The following THRB variants were observed in gnomAD, a reference collection of about 807,000 sequenced individuals.
THRB encodes nuclear receptor subfamily 1 group A member 2.
Under a neutral mutation model 47.8 loss-of-function variants are expected in THRB, and 12 were observed. That is an observed-to-expected ratio of 0.25 (90% CI 0.16 to 0.41). THRB has a LOEUF of 0.41. Ranked by LOEUF, THRB falls within the 10% of genes least tolerant of loss-of-function variation. The pLI, the probability that THRB is intolerant of heterozygous loss-of-function variation, is 1.00. For missense variants in THRB, 348 were observed against 589.2 expected (o/e 0.59, Z 4.24); for synonymous variants, 218 against 212.2 (o/e 1.03, Z -0.24).
At chr3:24,443,168 G>A (rs2071723799) in intron 1 of THRB, among the ~76,000 whole-genome samples, 1 of 152,172 alleles carries the variant, frequency 6.6e-6, no homozygotes, top group South Asian at 2.1e-4. Flanking sequence ...AACAGAGTGA[G>A]ATTCCATCTC....
intron 3 of THRB, among the ~76,000 whole-genome samples, chr3:24,234,654 CAG>C (rs2048684328): frequency 6.6e-6 from 1 of 152,156 alleles, no homozygotes; most frequent in South Asian, 2.1e-4. Context: ...ACCTGTAACT[CAG>C]GGGCAGAAGA....
chr3:24,405,482 T>G (rs150196288), intron 1 of THRB, among the ~76,000 whole-genome samples: 105 of 152,044 alleles, frequency 6.9e-4, no homozygotes, highest in Admixed American at 3.3e-3. Context: ...GTCTATTGGA[T>G]TCATAGGAAT....
intron 9 of THRB, 146 bp downstream of exon 9, chr3:24,133,170 G>A: frequency 2.5e-6 from 2 of 805,632 alleles, no homozygotes; most frequent in South Asian, 3.2e-5. Flanking sequence ...AAATGAAATA[G>A]AATGCATTTT....
At chr3:24,151,216 G>C (rs2036877788) in intron 6 of THRB, among the ~76,000 whole-genome samples, 1 of 152,182 alleles carries the variant, frequency 6.6e-6, no homozygotes, top group African/African-American at 2.4e-5. Flanking sequence ...ATTTTTAGCA[G>C]CCTTCTCCTA....
chr3:24,251,236 AG>A (rs1177068084), intron 3 of THRB, among the ~76,000 whole-genome samples: 5 of 152,142 alleles, frequency 3.3e-5, no homozygotes, highest in Non-Finnish European at 7.4e-5. Context: ...TAAATGTCAT[AG>A]TTTTATACAT....
At position 24,312,712 on chromosome 3, in the gene THRB, G is replaced by C. The variant is rs762769599; in HGVS notation, c.-188-15341C>G. On this transcript the variant is annotated intron_variant, in intron 2 of 10. Transcript: ENST00000646209. ...GCGTGGCTCAGCCATGGTGAGTGAGGGGGAGAAGAAGAGGGGGTGAGATCT... is the reference window on the plus strand; with the variant it reads ...GCGTGGCTCAGCCATGGTGAGTGAGCGGGAGAAGAAGAGGGGGTGAGATCT... 5.9e-5 allele frequency among the ~76,000 whole-genome samples: 9 copies of C among 152,278 alleles called. No individual in the cohort carries two copies. In the East Asian group the frequency reaches 1.4e-3, roughly 23 times the overall value.
In THRB at chr3:24,210,769, G is replaced by T. The variant is rs974552196; in HGVS notation, c.22+18169C>A. On this transcript the variant is annotated intron_variant, in intron 4 of 10. Coordinates refer to ENST00000646209, the MANE Select transcript of THRB (RefSeq NM_001354712.2). ...GAATGTCTGGTTGACAGTAAGTAAG[G>T]TATGAATGACTGACAGGTGTAGTGC... is the stretch of plus-strand genomic sequence containing the variant. 2.9e-4 allele frequency among the ~76,000 whole-genome samples: 44 copies of T among 152,316 alleles called. 1 individual carries two copies. The highest frequency in any genetic ancestry group is 9.9e-4 in the African/African-American group (41 of 41,572).
At chr3:24,286,563 A>G (rs2055321636) in intron 3 of THRB, among the ~76,000 whole-genome samples, 1 of 152,180 alleles carries the variant, frequency 6.6e-6, no homozygotes, top group African/African-American at 2.4e-5. Flanking sequence ...CTGCATTTGG[A>G]CAAACAGCTA....
intron 6 of THRB, among the ~76,000 whole-genome samples, chr3:24,148,377 T>G (rs2036418882): frequency 6.6e-6 from 1 of 152,212 alleles, no homozygotes; most frequent in African/African-American, 2.4e-5. Context: ...TCCGTCCTCC[T>G]TGGCCTCCCA....
chr3:24,421,220 G>T (rs1316250281), intron 1 of THRB, among the ~76,000 whole-genome samples: 1 of 151,770 alleles, frequency 6.6e-6, no homozygotes, highest in Non-Finnish European at 1.5e-5. Flanking sequence ...GGAGGATGGA[G>T]AGGATCAGGA....
intron 2 of THRB, among the ~76,000 whole-genome samples, chr3:24,311,532 T>A (rs778979949): frequency 3.3e-5 from 5 of 152,204 alleles, no homozygotes; most frequent in Non-Finnish European, 5.9e-5. Flanking sequence ...CACTAGCAGA[T>A]GTGACATCTC....
chr3:24,272,347 A>AAACAACAAC (rs35975177), intron 3 of THRB, among the ~76,000 whole-genome samples: 56,649 of 149,718 alleles, frequency 0.38, 12,075 homozygotes, highest in East Asian at 0.49. Flanking sequence ...CTCTCTCTCA[A>AAACAACAAC]AACAACAACA....
intron 1 of THRB, chr3:24,429,977 T>C (rs1368425302): frequency 6.6e-6 from 1 of 152,028 alleles, no homozygotes; most frequent in Non-Finnish European, 1.5e-5. Context: ...AAAAAAATTG[T>C]CAGTAGGATC....
chr3:24,417,138 A>ACACACACACG (rs142143378), intron 1 of THRB, among the ~76,000 whole-genome samples: 2 of 151,090 alleles, frequency 1.3e-5, no homozygotes, highest in African/African-American at 4.9e-5. Context: ...ACACACACAC[A>ACACACACACG]CGCGCAACGC....
chr3:24,141,326 A>G (rs1366907118), intron 8 of THRB, among the ~76,000 whole-genome samples: 1 of 152,204 alleles, frequency 6.6e-6, no homozygotes, highest in Non-Finnish European at 1.5e-5. Context: ...CAGCACGAAG[A>G]TATTTGATTA....
chr3:24,200,710 T>C (rs547801846), intron 4 of THRB, among the ~76,000 whole-genome samples: 4 of 152,208 alleles, frequency 2.6e-5, no homozygotes, highest in South Asian at 2.1e-4. Flanking sequence ...TCATGGCAGA[T>C]AGTTTTTAGG....
intron 4 of THRB, among the ~76,000 whole-genome samples, chr3:24,210,850 A>G (rs1341933335): frequency 6.6e-6 from 1 of 152,186 alleles, no homozygotes; most frequent in South Asian, 2.1e-4. Flanking sequence ...GCTTCAATCA[A>G]TGGAGTTTTT....
At chr3:24,163,819 A>C (rs1426301339) in intron 5 of THRB, among the ~76,000 whole-genome samples, 4 of 152,154 alleles carry the variant, frequency 2.6e-5, no homozygotes, top group South Asian at 4.1e-4. Flanking sequence ...GAAGTTATAG[A>C]ATAACATTAT....
chr3:24,481,242 T>TGTTTG (rs1295890290), intron 1 of THRB, among the ~76,000 whole-genome samples: 74 of 141,572 alleles, frequency 5.2e-4, no homozygotes, highest in East Asian at 4.8e-3. Context: ...TTTTTTTTTT[T>TGTTTG]TTTTTTTTTT....
Sources: allele counts gnomAD v4.1 joint callset (sites outside exome capture counted in the v4.1 genomes callset), GRCh38; gene constraint gnomAD v4.1.1; transcripts MANE v1.5; gene names NCBI Gene and HGNC (gene_info 2026-07-23, HGNC 2026-07-21).